PROM1: variants seen among roughly 807,000 people sequenced by gnomAD.
PROM1 encodes the protein prominin 1, also known as prominin-1.
A neutral mutation model predicts 116.9 loss-of-function variants in PROM1; 105 were observed. That is an observed-to-expected ratio of 0.90 (90% CI 0.77 to 1.06). The LOEUF (loss-of-function observed/expected upper bound fraction) is 1.06. Among genes scored for constraint, PROM1 ranks in the 50% least tolerant of loss-of-function variants. The probability of loss-of-function intolerance (pLI) is 0.00; values close to 1 mark genes in which losing one functional copy is unlikely to be tolerated. For missense variants in PROM1, 1,122 were observed against 1,045.2 expected (o/e 1.07, Z -1.01); for synonymous variants, 393 against 387.0 (o/e 1.02, Z -0.18).
intron 26 of PROM1, among the ~76,000 whole-genome samples, chr4:15,978,924 G>A (rs1716945053): frequency 6.6e-6 from 1 of 151,924 alleles, no homozygotes. Flanking sequence ...AATTCATAAA[G>A]ATTTCGGAGG....
At position 15,979,465 on chromosome 4, in the gene PROM1, T is replaced by G; in HGVS notation, c.2514-2A>C. ...TAACCATTATTACCATTTTCCATAC[T>G]GTAACAGAAATAAATACACCAAAAA... On this transcript the variant is annotated splice_acceptor_variant, in intron 25 of 27. Transcript: ENST00000447510. LOFTEE classifies it high-confidence loss of function. The G allele has an allele frequency of 6.2e-7, 1 of 1,608,550 alleles. No homozygotes were observed.
At chr4:15,977,253 C>G (rs1716389801) in intron 26 of PROM1, among the ~76,000 whole-genome samples, 1 of 152,192 alleles carries the variant, frequency 6.6e-6, no homozygotes, top group Non-Finnish European at 1.5e-5. Flanking sequence ...ACAGAGAGTA[C>G]TTTCAGTGCC....
chr4:16,037,174 C>A (rs1187886223), intron 3 of PROM1, among the ~76,000 whole-genome samples: 3 of 152,214 alleles, frequency 2.0e-5, no homozygotes, highest in African/African-American at 7.2e-5. Flanking sequence ...ACTGCCCCTA[C>A]TCTCATTCCT....
rs1420734700 is a variant in PROM1, at chr4:16,082,931, C to T, written c.-213+1047G>A. Among the ~76,000 whole-genome samples the T allele has an allele frequency of 2.0e-5, 3 of 151,924 alleles. No individual in the cohort carries two copies. In the East Asian group the frequency reaches 5.9e-4, roughly 30 times the overall value. On this transcript the variant is annotated intron_variant, in intron 1 of 27. Transcript: ENST00000447510. Reference sequence around the variant, plus strand: ...CCGGTCGGCGTGTTCTGGCAGGGTGCGCCTTGAGCACCCCAGTTCTCCATC... The same window carrying T: ...CCGGTCGGCGTGTTCTGGCAGGGTGTGCCTTGAGCACCCCAGTTCTCCATC...
intron 13 of PROM1, among the ~76,000 whole-genome samples, chr4:16,005,490 T>TG (rs1725198654): frequency 1.5e-5 from 2 of 131,886 alleles, no homozygotes; most frequent in African/African-American, 5.8e-5. Context: ...GTTTTTTGTT[T>TG]GTTTGGTGTG....
At chr4:16,071,877 T>A (rs1742895802) in intron 2 of PROM1, among the ~76,000 whole-genome samples, 1 of 152,174 alleles carries the variant, frequency 6.6e-6, no homozygotes, top group African/African-American at 2.4e-5. Context: ...ACTCTCTACC[T>A]GGAACACCCT....
chr4:16,043,026 G>A (rs763216267), intron 2 of PROM1, among the ~76,000 whole-genome samples: 1 of 152,178 alleles, frequency 6.6e-6, no homozygotes. Context: ...TATGGAAAGG[G>A]TTTATTATCG....
intron 5 of PROM1, among the ~76,000 whole-genome samples, chr4:16,030,153 A>C (rs1732302193): frequency 6.6e-6 from 1 of 152,196 alleles, no homozygotes; most frequent in South Asian, 2.1e-4. Context: ...GGTATTTGCA[A>C]ACCAGTGGGG....
chr4:15,972,873 C>T (rs1017247210), intron 26 of PROM1, among the ~76,000 whole-genome samples: 2 of 152,186 alleles, frequency 1.3e-5, no homozygotes, highest in African/African-American at 4.8e-5. Flanking sequence ...AGATTTCAAT[C>T]AACACAACAC....
rs180751046 is a variant in PROM1 at position 15,973,313 on chromosome 4, G to C, written c.2583-2231C>G. The stretch of plus-strand genomic sequence containing the variant: ...AACAGAAAAATTAGCTGAGCACGGT[G>C]GTGTGTGCCTGTAATCCCAGCTACT... On this transcript the variant is annotated intron_variant, in intron 26 of 27. Coordinates refer to ENST00000447510, the MANE Select transcript of PROM1 (RefSeq NM_006017.3). Among the ~76,000 whole-genome samples, 32 of 152,284 alleles carry C rather than the reference G, an allele frequency of 2.1e-4. No individual in the cohort carries two copies. The East Asian group carries it at 6.2e-3, about 29-fold the overall frequency.
chr4:16,005,226 G>A (rs1053662463), intron 13 of PROM1, among the ~76,000 whole-genome samples: 1 of 152,150 alleles, frequency 6.6e-6, no homozygotes, highest in Non-Finnish European at 1.5e-5. Context: ...GCCTCCCAAA[G>A]TGTTGGGATT....
chr4:16,023,017 C>T (rs915416297), intron 8 of PROM1, among the ~76,000 whole-genome samples: 1 of 152,136 alleles, frequency 6.6e-6, no homozygotes, highest in Non-Finnish European at 1.5e-5. Context: ...AGCACGAAAA[C>T]GGCCACAGAT....
intron 15 of PROM1, among the ~76,000 whole-genome samples, chr4:15,996,281 G>C (rs1013269731): frequency 2.0e-5 from 3 of 152,210 alleles, no homozygotes; most frequent in Non-Finnish European, 4.4e-5. Context: ...AGGCCAAGGT[G>C]GGTGGATCAC....
intron 2 of PROM1, among the ~76,000 whole-genome samples, chr4:16,068,079 G>C (rs571073149): frequency 1.2e-4 from 18 of 152,286 alleles, no homozygotes; most frequent in Non-Finnish European, 2.1e-4. Context: ...CAGAGTAGAT[G>C]TACAGAGAAG....
intron 2 of PROM1, among the ~76,000 whole-genome samples, chr4:16,070,345 A>G (rs961765453): frequency 1.3e-5 from 2 of 152,154 alleles, no homozygotes; most frequent in African/African-American, 4.8e-5. Context: ...AACCTGACTG[A>G]TTATTTCAGG....
At chr4:15,987,549 T>C in intron 20 of PROM1, 114 bp downstream of exon 20, 2 of 1,137,508 alleles carry the variant, frequency 1.8e-6, no homozygotes, top group South Asian at 1.4e-5. Flanking sequence ...AATAGGTAGA[T>C]AACTGAGGCT....
chr4:16,057,435 G>C (rs921266167), intron 2 of PROM1, among the ~76,000 whole-genome samples: 3 of 152,204 alleles, frequency 2.0e-5, no homozygotes, highest in African/African-American at 7.2e-5. Flanking sequence ...CGGGAACTTA[G>C]AGACTCCTAC....
chr4:16,039,685 C>A (rs576799424), intron 2 of PROM1, among the ~76,000 whole-genome samples: 2 of 150,528 alleles, frequency 1.3e-5, no homozygotes, highest in South Asian at 2.1e-4. Flanking sequence ...TTGCAGTGAG[C>A]CGAAATCGCG....
chr4:15,969,707 C>A (rs1056873847), intron 27 of PROM1, among the ~76,000 whole-genome samples: 1 of 152,106 alleles, frequency 6.6e-6, no homozygotes, highest in Non-Finnish European at 1.5e-5. Flanking sequence ...TCCCAAGTAG[C>A]TGGGACTACA....
Sources: allele counts gnomAD v4.1 joint callset (sites outside exome capture counted in the v4.1 genomes callset), GRCh38; gene constraint gnomAD v4.1.1; transcripts MANE v1.5; gene names NCBI Gene and HGNC (gene_info 2026-07-23, HGNC 2026-07-21).